Variants in METAP1D observed in about 807,000 individuals in gnomAD.
METAP1D encodes the protein methionine aminopeptidase 1D, mitochondrial.
A neutral mutation model predicts 40.5 loss-of-function variants in METAP1D; 31 were observed. The observed-to-expected ratio is 0.77, with a 90% CI of 0.58 to 1.03. The LOEUF is 1.03. METAP1D is among the 50% of genes least tolerant of loss of function. The pLI is 0.00. For missense variants in METAP1D, 411 were observed against 420.7 expected (o/e 0.98, Z 0.20); for synonymous variants, 151 against 146.4 (o/e 1.03, Z -0.22).
At chr2:172,020,185 C>T (rs1467014946) in intron 1 of METAP1D, among the ~76,000 whole-genome samples, 3 of 152,200 alleles carry the variant, frequency 2.0e-5, no homozygotes, top group Admixed American at 1.3e-4. Context: ...TGGGGTGTCA[C>T]CATGTTGGCC....
chr2:172,012,407 C>T (rs905273109), intron 1 of METAP1D, among the ~76,000 whole-genome samples: 9 of 152,160 alleles, frequency 5.9e-5, no homozygotes, highest in East Asian at 3.9e-4. Flanking sequence ...GAGTGGGAGA[C>T]GGGACAAACA....
At chr2:172,037,935 A>G (rs1005187899) in intron 1 of METAP1D, among the ~76,000 whole-genome samples, 4 of 152,166 alleles carry the variant, frequency 2.6e-5, no homozygotes, top group African/African-American at 7.2e-5. Context: ...GCAGCATGAG[A>G]ATCCTGGCTC....
At chr2:172,010,307 A>ATT (rs1688682904) in intron 1 of METAP1D, among the ~76,000 whole-genome samples, 3 of 150,670 alleles carry the variant, frequency 2.0e-5, no homozygotes, top group African/African-American at 7.3e-5. Flanking sequence ...CACCTGGCTA[A>ATT]TTTTTTGCAT....
At chr2:172,070,416 G>A (rs1690394842) in intron 5 of METAP1D, among the ~76,000 whole-genome samples, 1 of 152,120 alleles carries the variant, frequency 6.6e-6, no homozygotes, top group African/African-American at 2.4e-5. Context: ...TTAGAATACA[G>A]ACATGTCTAT....
chr2:172,013,665 G>C (rs773988874), intron 1 of METAP1D, among the ~76,000 whole-genome samples: 1 of 152,072 alleles, frequency 6.6e-6, no homozygotes, highest in Non-Finnish European at 1.5e-5. Flanking sequence ...GGAAATTTGC[G>C]TGTGAAAGAG....
chr2:172,005,520 T>TTTTTTATATATATATATA, intron 1 of METAP1D, among the ~76,000 whole-genome samples: 1 of 110,940 alleles, frequency 9.0e-6, no homozygotes, highest in Non-Finnish European at 1.8e-5. Context: ...TGTCTGTATT[T>TTTTTTATATATATATATA]TATATATATA....
rs147656619 is a variant in METAP1D, at chr2:172,038,800, T to C, written c.41-22698T>C. 1.6e-3 allele frequency among the ~76,000 whole-genome samples: 244 copies of C among 152,334 alleles called. 2 individuals are homozygous for C. Among genetic ancestry groups the C allele is most frequent in the Non-Finnish European group, 2.6e-3 (179 of 68,018 alleles). On this transcript the variant is annotated intron_variant, in intron 1 of 9. Coordinates refer to ENST00000315796, the MANE Select transcript of METAP1D (RefSeq NM_199227.3). Reference sequence around the variant, plus strand: ...AAATTCTCAATGTCAGTTTGCCATTTATGCAGTCAGTCTGGTTGGCCAGAG... The same window carrying C: ...AAATTCTCAATGTCAGTTTGCCATTCATGCAGTCAGTCTGGTTGGCCAGAG...
At chr2:172,066,948 C>T (rs1181233973) in intron 5 of METAP1D, among the ~76,000 whole-genome samples, 1 of 152,156 alleles carries the variant, frequency 6.6e-6, no homozygotes, top group Non-Finnish European at 1.5e-5. Context: ...AAGTTTTCAC[C>T]AAATGGTTAA....
chr2:172,020,148 G>A (rs1174437965), intron 1 of METAP1D, among the ~76,000 whole-genome samples: 7 of 152,182 alleles, frequency 4.6e-5, no homozygotes, highest in Admixed American at 2.6e-4. Context: ...CATCATGCCC[G>A]GCTAATTTTT....
intron 5 of METAP1D, among the ~76,000 whole-genome samples, chr2:172,068,819 G>C (rs1385851322): frequency 6.6e-6 from 1 of 151,934 alleles, no homozygotes; most frequent in Non-Finnish European, 1.5e-5. Flanking sequence ...GTCTCAAATA[G>C]TCATTTTGAT....
chr2:172,046,888 A>G (rs576622972), intron 1 of METAP1D, among the ~76,000 whole-genome samples: 16 of 152,356 alleles, frequency 1.1e-4, no homozygotes, highest in African/African-American at 3.8e-4. Context: ...TTGTAAGGAC[A>G]TCATTTGCAC....
At chr2:172,044,327 G>A (rs1273824301) in intron 1 of METAP1D, among the ~76,000 whole-genome samples, 1 of 127,224 alleles carries the variant, frequency 7.9e-6, no homozygotes, top group Non-Finnish European at 1.8e-5. Context: ...TTGGGAGGCC[G>A]AGGCAGGTGG....
At chr2:172,016,355 T>G (rs1406298737) in intron 1 of METAP1D, among the ~76,000 whole-genome samples, 2 of 134,932 alleles carry the variant, frequency 1.5e-5, no homozygotes, top group Non-Finnish European at 3.1e-5. Context: ...TGGTGACTAA[T>G]GCTTGTAATC....
At chr2:172,010,330 T>G (rs896438307) in intron 1 of METAP1D, among the ~76,000 whole-genome samples, 2 of 151,084 alleles carry the variant, frequency 1.3e-5, no homozygotes, top group African/African-American at 4.9e-5. Flanking sequence ...TTTGTAGAGA[T>G]GGGGTTTCAC....
intron 7 of METAP1D, 121 bp downstream of exon 7, chr2:172,078,015 T>G: frequency 1.5e-5 from 7 of 461,450 alleles, no homozygotes; most frequent in South Asian, 5.3e-5. Flanking sequence ...TGTGTGTGTT[T>G]ATGTGCAGGG....
intron 1 of METAP1D, among the ~76,000 whole-genome samples, chr2:172,027,902 G>A (rs1013608568): frequency 4.6e-5 from 7 of 152,314 alleles, no homozygotes; most frequent in Middle Eastern, 3.4e-3. Flanking sequence ...CAGGTGCAAA[G>A]TGACAAGGAT....
chr2:172,077,793 A>T lies in METAP1D; in HGVS notation c.705-4A>T. ...AATTAAATATTTTTTGGTCACTTTT[A>T]AAGCCACATAACTCATCAGAATGGT... On this transcript the variant is annotated splice_polypyrimidine_tract_variant and splice_region_variant and intron_variant, in intron 6 of 9. Coordinates refer to ENST00000315796, the MANE Select transcript of METAP1D (RefSeq NM_199227.3). The T allele has an allele frequency of 6.4e-7, 1 of 1,550,988 alleles. No homozygotes were observed. Among genetic ancestry groups the T allele is most frequent in the Non-Finnish European group, 8.8e-7 (1 of 1,136,136 alleles).
At chr2:172,063,910 C>T (rs752546071) in intron 3 of METAP1D, 50 bp downstream of exon 3, 2 of 1,492,654 alleles carry the variant, frequency 1.3e-6, no homozygotes, top group Non-Finnish European at 1.8e-6. Flanking sequence ...GCAACAAACA[C>T]TCCTCTTTTT....
chr2:172,073,852 G>A (rs1473044253), intron 6 of METAP1D, among the ~76,000 whole-genome samples: 60 of 152,118 alleles, frequency 3.9e-4, no homozygotes, highest in East Asian at 5.8e-4. Flanking sequence ...CATCTTTTGC[G>A]TAGCCTCTCT....
Sources: allele counts gnomAD v4.1 joint callset (sites outside exome capture counted in the v4.1 genomes callset), GRCh38; gene constraint gnomAD v4.1.1; transcripts MANE v1.5; gene names NCBI Gene and HGNC (gene_info 2026-07-23, HGNC 2026-07-21).